Variants in ADRM1 observed in about 807,000 individuals in gnomAD.
ADRM1 encodes the protein proteasomal ubiquitin receptor ADRM1.
ADRM1 carries 2 observed loss-of-function variants against 40.1 expected under a neutral mutation model. That is an observed-to-expected ratio of 0.05 (90% CI 0.02 to 0.16). The LOEUF (loss-of-function observed/expected upper bound fraction) is 0.16. ADRM1 is among the 10% of genes least tolerant of loss of function. The pLI, the probability that ADRM1 is intolerant of heterozygous loss-of-function variation, is 1.00. For missense variants in ADRM1, 467 were observed against 552.5 expected, an observed-to-expected ratio of 0.85 and a Z score of 1.55; for synonymous variants, 287 against 240.4, an observed-to-expected ratio of 1.19 and a Z score of -1.79.
chr20:62,308,346 C>T lies in ADRM1; in HGVS notation c.1015-22C>T, dbSNP rs775394635. 16 of 1,581,016 alleles carry T rather than the reference C, an allele frequency of 1.0e-5. No individual in the cohort carries two copies. In the East Asian group the frequency reaches 2.1e-4, roughly 20 times the overall value. ...GGTGCAGCCCGGGTTGGAGCTCAGC[C>T]CTCGCCTGGCTCTTCTTGCAGGCCC... On this transcript the variant is annotated intron_variant, in intron 8 of 9. Transcript: ENST00000253003.
chr20:62,304,384 G>A, intron 2 of ADRM1, 77 bp from the exon 3 acceptor site: 2 of 1,293,654 alleles, frequency 1.5e-6, no homozygotes. Flanking sequence ...TTAGACCCAG[G>A]GCTCAGTACG....
intron 2 of ADRM1, 96 bp from the exon 3 acceptor site, chr20:62,304,365 C>A: frequency 9.4e-7 from 1 of 1,062,632 alleles, no homozygotes; most frequent in Non-Finnish European, 1.4e-6. Flanking sequence ...CCTTGCGCAC[C>A]CCACCCGGTT....
Position 62,308,102 on chromosome 20 carries a change from A to T in ADRM1, c.938A>T (p.Tyr313Phe). ...GATGTCCAGGAGCGCCTGCTTCCCT[A>T]CTTGCCATCTGGGGAGTCGCTGCCG... ...NADVQERLLPYLPSGESLPQT... is the reference protein window; with the variant it reads ...NADVQERLLPFLPSGESLPQT... Residue 313 changes from tyrosine to phenylalanine, a missense_variant, in exon 8 of 10, where the codon TAC (tyrosine) becomes TTC (phenylalanine). Physicochemically the swap from Tyr to Phe is conservative, Grantham distance 22. Coordinates refer to ENST00000253003, the MANE Select transcript of ADRM1 (RefSeq NM_007002.4). 6.2e-7 allele frequency: 1 copy of T among 1,611,436 alleles called. No individual in the cohort carries two copies. Among genetic ancestry groups the T allele is most frequent in the East Asian group, 2.2e-5 (1 of 44,876 alleles).
chr20:62,307,591 C>A lies in ADRM1; in HGVS notation c.624-5C>A, dbSNP rs544697220. ...CCGCTCCAGCGGTGCCCTCTCTCTT[C>A]GCAGCTCCCGGAGCCAGTCGGCAGC... is the stretch of plus-strand genomic sequence containing the variant. On this transcript the variant is annotated splice_region_variant and splice_polypyrimidine_tract_variant and intron_variant, in intron 6 of 9. Coordinates refer to ENST00000253003, the MANE Select transcript of ADRM1 (RefSeq NM_007002.4). 6.2e-7 allele frequency: 1 copy of A among 1,609,152 alleles called. No homozygotes were observed.
At chr20:62,308,556 G>C (rs1364241440) in intron 9 of ADRM1, 86 bp downstream of exon 9, 50 of 1,559,950 alleles carry the variant, frequency 3.2e-5, no homozygotes, top group Non-Finnish European at 3.5e-6. Flanking sequence ...TGGGGCTGAG[G>C]GGGTAAAGGT....
At chr20:62,308,580 C>A in intron 9 of ADRM1, 75 bp from the exon 10 acceptor site, 2 of 1,581,148 alleles carry the variant, frequency 1.3e-6, no homozygotes, top group Non-Finnish European at 1.7e-6. Context: ...AGCCCTTCTG[C>A]CCTTGATCCC....
chr20:62,308,071 A>G lies in ADRM1; in HGVS notation c.907A>G (p.Asn303Asp). The G allele has an allele frequency of 6.2e-7, 1 of 1,611,738 alleles. No individual in the cohort carries two copies. The change falls in exon 8 of 10, where the codon AAC (asparagine) becomes GAC (aspartate). Residue 303 changes from asparagine to aspartate, a missense_variant. Asn to Asp is a conservative substitution (Grantham distance 23). This residue lies in a region of ADRM1 where 418 missense variants were observed against 474.6 expected (regional missense o/e 0.88). Coordinates refer to ENST00000253003, the MANE Select transcript of ADRM1 (RefSeq NM_007002.4). Reference protein sequence around the residue: ...TPEIMAPILANADVQERLLPY... With the variant: ...TPEIMAPILADADVQERLLPY... ...GGAGATAATGGCTCCCATCCTCGCC[A>G]ACGCGGATGTCCAGGAGCGCCTGCT...
rs1484515934 is a variant in ADRM1 at position 62,307,526 on chromosome 20, C to T, written c.624-70C>T. ...GGCAGTGGGGAATCCTGGCCCAGCA[C>T]CCTGGACCCTGCGAGTAGGCCCTGC... On this transcript the variant is annotated intron_variant, in intron 6 of 9. Transcript: ENST00000253003. 3.8e-6 allele frequency: 6 copies of T among 1,598,140 alleles called. No individual in the cohort carries two copies. In the East Asian group the frequency reaches 1.1e-4, roughly 30 times the overall value.
chr20:62,304,687 A>G, intron 3 of ADRM1, 110 bp downstream of exon 3: 1 of 1,045,166 alleles, frequency 9.6e-7, no homozygotes, highest in Non-Finnish European at 1.5e-6. Context: ...CGCCGGCCAC[A>G]CCCGGCCACA....
At chr20:62,305,948 G>A in intron 3 of ADRM1, 1 of 493,614 alleles carries the variant, frequency 2.0e-6, no homozygotes, top group Middle Eastern at 5.6e-4. Flanking sequence ...TTGTGAAATG[G>A]GCGGAGGGGG....
intron 1 of ADRM1, chr20:62,303,318 C>G: frequency 2.9e-6 from 1 of 345,660 alleles, no homozygotes; most frequent in Non-Finnish European, 5.2e-6. Flanking sequence ...GCTGGTGCCC[C>G]GCGGAGACGG....
chr20:62,305,979 C>G, intron 3 of ADRM1: 2 of 570,908 alleles, frequency 3.5e-6, no homozygotes, highest in Non-Finnish European at 3.1e-6. Context: ...CCCGGGATTG[C>G]GGCGGATGGG....
chr20:62,303,176 G>GGGGCC (rs1256270785), intron 1 of ADRM1, 127 bp downstream of exon 1: 5 of 156,024 alleles, frequency 3.2e-5, no homozygotes, highest in Admixed American at 1.3e-4. Flanking sequence ...GGGGCCTGCG[G>GGGGCC]GGGCCGGGCC....
At chr20:62,304,833 C>T (rs772157495) in intron 3 of ADRM1, among the ~76,000 whole-genome samples, 2 of 152,242 alleles carry the variant, frequency 1.3e-5, no homozygotes, top group African/African-American at 4.8e-5. Flanking sequence ...GACATGCTGG[C>T]CCTGGTTCTA....
chr20:62,304,113 C>A (rs369778502), intron 2 of ADRM1: 1 of 487,276 alleles, frequency 2.1e-6, no homozygotes. Context: ...GGCGGCTTCA[C>A]TCAGTCTTCT....
Position 62,308,070 on chromosome 20 carries a change from C to A in ADRM1, c.906C>A (p.Ala302=), listed in dbSNP as rs751573533. 6.2e-7 allele frequency: 1 copy of A among 1,611,738 alleles called. No individual in the cohort carries two copies. Among genetic ancestry groups the A allele is most frequent in the South Asian group, 1.1e-5 (1 of 90,926 alleles). Residue 302 remains alanine, a synonymous_variant, in exon 8 of 10, where the codon GCC becomes GCA. Coordinates refer to ENST00000253003, the MANE Select transcript of ADRM1 (RefSeq NM_007002.4). ...LTPEIMAPIL[A]NADVQERLLP... ...CGGAGATAATGGCTCCCATCCTCGC[C>A]AACGCGGATGTCCAGGAGCGCCTGC...
chr20:62,306,261 C>A lies in ADRM1; in HGVS notation c.395C>A (p.Pro132Gln), dbSNP rs145275540. ...RKVNEYLNNPPMPGALGASGS... is the reference protein window; with the variant it reads ...RKVNEYLNNPQMPGALGASGS... ...GTCAACGAGTATCTGAACAACCCCC[C>A]GATGCCTGGGGCGCTGGGGGCCAGC... The change falls in exon 4 of 10, where the codon CCG becomes CAG. Residue 132 changes from proline to glutamine, a missense_variant. Coordinates refer to ENST00000253003, the MANE Select transcript of ADRM1 (RefSeq NM_007002.4). The A allele has an allele frequency of 1.2e-6, 2 of 1,613,182 alleles. No homozygotes were observed. Among genetic ancestry groups the A allele is most frequent in the South Asian group, 1.1e-5 (1 of 91,086 alleles).
intron 4 of ADRM1, 160 bp from the exon 5 acceptor site, chr20:62,306,488 G>T: frequency 7.6e-7 from 1 of 1,311,516 alleles, no homozygotes; most frequent in South Asian, 1.2e-5. Flanking sequence ...CCTTCACGGG[G>T]TAGGACGGGT....
intron 3 of ADRM1, among the ~76,000 whole-genome samples, chr20:62,305,074 C>T (rs1166782999): frequency 2.6e-5 from 4 of 152,210 alleles, no homozygotes; most frequent in Admixed American, 6.5e-5. Context: ...GTCTAGAGGC[C>T]GCTGCTCATT....
Sources: gnomAD v4.1 joint callset for allele counts (sites outside exome capture counted in the v4.1 genomes callset) on GRCh38, gnomAD v4.1.1 for gene constraint, gnomAD v4.1.1 regional missense constraint, MANE v1.5 for transcripts, NCBI Gene and HGNC (gene_info 2026-07-23, HGNC 2026-07-21) for gene names.